The following ADCY2 variants were observed in gnomAD, a reference collection of about 807,000 sequenced individuals.
ADCY2 encodes the protein adenylate cyclase 2.
A neutral mutation model predicts 125.2 loss-of-function variants in ADCY2; 31 were observed. The observed-to-expected ratio is 0.25, with a 90% CI of 0.19 to 0.33. The LOEUF is 0.33. ADCY2 is among the 10% of genes least tolerant of loss of function. The pLI, the probability that ADCY2 is intolerant of heterozygous loss-of-function variation, is 1.00. For synonymous variants in ADCY2, 512 were observed against 548.4 expected (o/e 0.93, Z 0.93); for missense variants, 904 against 1,418.2 (o/e 0.64, Z 5.82).
At chr5:7,693,413 G>GTTTTTTTTTTTTTTTTTTT (rs70940751) in intron 5 of ADCY2, among the ~76,000 whole-genome samples, 9 of 32,392 alleles carry the variant, frequency 2.8e-4, no homozygotes, top group Non-Finnish European at 5.7e-4. Flanking sequence ...GCTGTTTTTT[G>GTTTTTTTTTTTTTTTTTTT]TTTTTTTTTT....
At chr5:7,540,472 A>G (rs1313077742) in intron 3 of ADCY2, among the ~76,000 whole-genome samples, 7 of 152,208 alleles carry the variant, frequency 4.6e-5, no homozygotes, top group African/African-American at 1.7e-4. Context: ...TTTCCGCAAT[A>G]CCCCAAATGT....
At chr5:7,467,857 A>G (rs1742182912) in intron 2 of ADCY2, among the ~76,000 whole-genome samples, 1 of 152,158 alleles carries the variant, frequency 6.6e-6, no homozygotes, top group African/African-American at 2.4e-5. Flanking sequence ...TTGACATTTC[A>G]GTTGGTTAAA....
intron 16 of ADCY2, among the ~76,000 whole-genome samples, chr5:7,759,172 A>G (rs1347633500): frequency 1.3e-5 from 2 of 152,276 alleles, no homozygotes; most frequent in East Asian, 1.9e-4. Context: ...TGCAATTCCC[A>G]TAGGTTTTCC....
At position 7,578,270 on chromosome 5, in the gene ADCY2, G is replaced by GCTCC. The variant is rs138404448; in HGVS notation, c.571-47897_571-47896insCTCC. 8.1e-3 allele frequency among the ~76,000 whole-genome samples: 1,233 copies of GCTCC among 152,316 alleles called. 16 individuals are homozygous for GCTCC. The highest frequency in any genetic ancestry group is 0.028 in the African/African-American group (1,161 of 41,574). On this transcript the variant is annotated intron_variant, in intron 3 of 24. Transcript: ENST00000338316. ...ACTTTGAGAAATTCCAGCCAGAGGA[G>GCTCC]GCCTTCTGAAATGGCAGCTTTGCAT...
At chr5:7,422,383 G>C (rs1246153401) in intron 2 of ADCY2, among the ~76,000 whole-genome samples, 1 of 151,946 alleles carries the variant, frequency 6.6e-6, no homozygotes, top group African/African-American at 2.4e-5. Flanking sequence ...CTTCATCTCA[G>C]CTGATAATTA....
At chr5:7,805,690 C>A (rs1216926149) in intron 22 of ADCY2, among the ~76,000 whole-genome samples, 1 of 152,128 alleles carries the variant, frequency 6.6e-6, no homozygotes, top group Non-Finnish European at 1.5e-5. Flanking sequence ...CTCCCATAAC[C>A]ACCTCCCATG....
intron 18 of ADCY2, among the ~76,000 whole-genome samples, chr5:7,775,073 C>G (rs1483104697): frequency 6.6e-6 from 1 of 152,008 alleles, no homozygotes; most frequent in Non-Finnish European, 1.5e-5. Flanking sequence ...GTGGCACAGT[C>G]TGGGTTCACT....
At chr5:7,684,981 C>T (rs965670552) in intron 4 of ADCY2, 1 of 152,150 alleles carries the variant, frequency 6.6e-6, no homozygotes, top group Non-Finnish European at 1.5e-5. Context: ...GGCTGACTTT[C>T]CCTCTGCACA....
chr5:7,504,786 T>G (rs13188512), intron 2 of ADCY2, among the ~76,000 whole-genome samples: 26,363 of 151,092 alleles, frequency 0.17, 2,443 homozygotes, highest in African/African-American at 0.2. Flanking sequence ...TGGGACTACA[T>G]GTGTGAGCCA....
intron 3 of ADCY2, among the ~76,000 whole-genome samples, chr5:7,585,216 TTG>T (rs1736590644): frequency 6.6e-6 from 1 of 152,182 alleles, no homozygotes; most frequent in African/African-American, 2.4e-5. Flanking sequence ...TTCAATTTTT[TTG>T]AAATTCTTCT....
At chr5:7,804,071 A>AGAGC (rs1744687252) in intron 21 of ADCY2, among the ~76,000 whole-genome samples, 3 of 148,590 alleles carry the variant, frequency 2.0e-5, no homozygotes, top group African/African-American at 7.7e-5. Context: ...AGAGAGAGAG[A>AGAGC]GAGCTGGTTT....
chr5:7,704,322 C>A (rs1201991801), intron 7 of ADCY2, among the ~76,000 whole-genome samples: 3 of 152,216 alleles, frequency 2.0e-5, no homozygotes, highest in Non-Finnish European at 4.4e-5. Flanking sequence ...CACTTAGCAG[C>A]ACCTCATTCC....
intron 4 of ADCY2, among the ~76,000 whole-genome samples, chr5:7,689,158 A>G (rs1740625210): frequency 6.6e-6 from 1 of 152,210 alleles, no homozygotes; most frequent in South Asian, 2.1e-4. Flanking sequence ...AGAATGCGAC[A>G]GGGTCTCTGG....
intron 2 of ADCY2, among the ~76,000 whole-genome samples, chr5:7,457,603 T>C (rs1270046518): frequency 1.3e-5 from 2 of 152,154 alleles, no homozygotes; most frequent in African/African-American, 4.8e-5. Context: ...GGGGAGGAGA[T>C]ACAAAGTCAC....
chr5:7,449,911 T>C (rs1201549906), intron 2 of ADCY2, among the ~76,000 whole-genome samples: 1 of 152,204 alleles, frequency 6.6e-6, no homozygotes, highest in Non-Finnish European at 1.5e-5. Flanking sequence ...ATCTTTGATA[T>C]TATTTTAAGT....
intron 2 of ADCY2, among the ~76,000 whole-genome samples, chr5:7,417,963 TA>T (rs1356867872): frequency 6.6e-6 from 1 of 152,238 alleles, no homozygotes; most frequent in African/African-American, 2.4e-5. Context: ...TTGTTGTTGT[TA>T]TTGTTTGTAT....
intron 4 of ADCY2, 82 bp downstream of exon 4, chr5:7,626,398 C>A: frequency 6.8e-7 from 1 of 1,464,934 alleles, no homozygotes; most frequent in Non-Finnish European, 9.2e-7. Context: ...GAGTGTCGTT[C>A]ATTCATTCAT....
At chr5:7,641,315 T>G (rs16878880) in intron 4 of ADCY2, among the ~76,000 whole-genome samples, 8,581 of 152,206 alleles carry the variant, frequency 0.056, 806 homozygotes, top group African/African-American at 0.19. Context: ...TATCTATATT[T>G]ATTGTGCTAA....
At chr5:7,507,730 C>G (rs1457989819) in intron 2 of ADCY2, among the ~76,000 whole-genome samples, 1 of 152,096 alleles carries the variant, frequency 6.6e-6, no homozygotes, top group Non-Finnish European at 1.5e-5. Flanking sequence ...CAGATGGATT[C>G]TCAAGGTTCT....
Sources: allele counts gnomAD v4.1 joint callset (sites outside exome capture counted in the v4.1 genomes callset), GRCh38; gene constraint gnomAD v4.1.1; transcripts MANE v1.5; gene names NCBI Gene and HGNC (gene_info 2026-07-23, HGNC 2026-07-21).